CRADD: variants seen among roughly 807,000 people sequenced by gnomAD.
The protein encoded by CRADD is CARD and death domain containing adaptor protein.
In CRADD, 9 loss-of-function variants were observed where a neutral mutation model predicts 15.5. The ratio of observed to expected loss-of-function variants is 0.58; its 90% CI spans 0.35 to 1.01. The LOEUF (loss-of-function observed/expected upper bound fraction) is 1.01. Among genes scored for constraint, CRADD ranks in the 50% least tolerant of loss-of-function variants. CRADD has a pLI of 0.02. For synonymous variants in CRADD, 118 were observed against 107.6 expected, an observed-to-expected ratio of 1.10 and a Z score of -0.60; for missense variants, 227 against 250.3, an observed-to-expected ratio of 0.91 and a Z score of 0.63.
chr12:93,807,248 A>G (rs1174103165), intron 2 of CRADD, among the ~76,000 whole-genome samples: 2 of 152,158 alleles, frequency 1.3e-5, no homozygotes, highest in Non-Finnish European at 2.9e-5. Context: ...GTCCATTTGA[A>G]GACTGCTGGA....
intron 2 of CRADD, among the ~76,000 whole-genome samples, chr12:93,812,305 A>ATGTCAGCT (rs1957637148): frequency 1.3e-5 from 2 of 152,282 alleles, no homozygotes; most frequent in South Asian, 4.1e-4. Context: ...AGGAACCCTA[A>ATGTCAGCT]TGTCAGCTAT....
At chr12:93,851,806 G>GA (rs548018070), downstream of CRADD, among the ~76,000 whole-genome samples, 68 of 152,154 alleles carry the variant, frequency 4.5e-4, no homozygotes, top group East Asian at 0.01. Flanking sequence ...TCAAAAGGGA[G>GA]AAAAAAATCA....
downstream of CRADD, among the ~76,000 whole-genome samples, chr12:93,852,836 AGTGTGTGTGT>A (rs58175344): frequency 1.3e-4 from 19 of 149,590 alleles, no homozygotes; most frequent in South Asian, 2.1e-4. Context: ...GTTGGGTTGG[AGTGTGTGTGT>A]GTGTGTGTGT....
chr12:93,746,847 G>A (rs1956760946), intron 2 of CRADD, among the ~76,000 whole-genome samples: 1 of 151,292 alleles, frequency 6.6e-6, no homozygotes, highest in Non-Finnish European at 1.5e-5. Context: ...ATATAGCAGT[G>A]TGGTCTGGAG....
At chr12:93,691,140 T>C (rs1955557550) in intron 2 of CRADD, among the ~76,000 whole-genome samples, 1 of 152,212 alleles carries the variant, frequency 6.6e-6, no homozygotes, top group African/African-American at 2.4e-5. Flanking sequence ...AGGCCTTTCA[T>C]ATTTGTTTGA....
At chr12:93,817,284 A>G (rs977887999) in intron 2 of CRADD, among the ~76,000 whole-genome samples, 2 of 152,102 alleles carry the variant, frequency 1.3e-5, no homozygotes, top group African/African-American at 4.8e-5. Flanking sequence ...TGTGTTTTCA[A>G]TGCCCAAGAG....
At chr12:93,723,592 GTAA>G (rs1322993542) in intron 2 of CRADD, among the ~76,000 whole-genome samples, 1 of 152,202 alleles carries the variant, frequency 6.6e-6, no homozygotes, top group African/African-American at 2.4e-5. Flanking sequence ...GCATATTTGA[GTAA>G]TAATAAGCTC....
chr12:93,695,996 G>A (rs964575176), intron 2 of CRADD, among the ~76,000 whole-genome samples: 3 of 152,052 alleles, frequency 2.0e-5, no homozygotes, highest in African/African-American at 7.2e-5. Flanking sequence ...GATCAACATC[G>A]CAAATCACCA....
At chr12:93,858,641 C>G (rs955605959) in intron 2 of CRADD, among the ~76,000 whole-genome samples, 9 of 152,194 alleles carry the variant, frequency 5.9e-5, no homozygotes, top group African/African-American at 2.2e-4. Flanking sequence ...CTCATTCTCC[C>G]CGGAGATAAG....
At chr12:93,770,066 G>T (rs567711358) in intron 2 of CRADD, among the ~76,000 whole-genome samples, 1 of 151,360 alleles carries the variant, frequency 6.6e-6, no homozygotes, top group African/African-American at 2.4e-5. Context: ...CACTTATGCC[G>T]AAGGTCATGA....
chr12:93,885,314 A>G (rs535205064), intron 2 of CRADD, among the ~76,000 whole-genome samples: 1 of 152,342 alleles, frequency 6.6e-6, no homozygotes, highest in East Asian at 1.9e-4. Flanking sequence ...GCTATGCATT[A>G]AACCAAAGAT....
intron 2 of CRADD, among the ~76,000 whole-genome samples, chr12:93,812,117 G>A (rs1957634492): frequency 6.6e-6 from 1 of 152,160 alleles, no homozygotes; most frequent in Non-Finnish European, 1.5e-5. Context: ...CTTCGGGGAA[G>A]GGAGTAAGGG....
intron 2 of CRADD, among the ~76,000 whole-genome samples, chr12:93,884,835 G>C (rs139813333): frequency 4.3e-4 from 65 of 152,298 alleles, no homozygotes; most frequent in Middle Eastern, 6.8e-3. Flanking sequence ...TTAGTCACTT[G>C]TATGAGGAGG....
intron 2 of CRADD, among the ~76,000 whole-genome samples, chr12:93,879,578 G>A (rs528997465): frequency 6.6e-6 from 1 of 151,972 alleles, no homozygotes; most frequent in Admixed American, 6.6e-5. Flanking sequence ...ATGGGCAGGT[G>A]GGGGAGGCCA....
At chr12:93,837,956 ATTATTG>A (rs1957993935) in intron 2 of CRADD, 1 of 152,208 alleles carries the variant, frequency 6.6e-6, no homozygotes, top group East Asian at 1.9e-4. Flanking sequence ...TGCGAGCTCA[ATTATTG>A]CTAACAGTTT....
intron 2 of CRADD, among the ~76,000 whole-genome samples, chr12:93,701,337 G>A (rs1955841629): frequency 7.9e-6 from 1 of 127,104 alleles, no homozygotes; most frequent in Non-Finnish European, 1.6e-5. Flanking sequence ...CACACAATCT[G>A]TAAGTAGTCT....
chr12:93,772,450 C>CTATATA (rs1957094351), intron 2 of CRADD, among the ~76,000 whole-genome samples: 1 of 152,170 alleles, frequency 6.6e-6, no homozygotes, highest in Non-Finnish European at 1.5e-5. Context: ...TATGTCTATG[C>CTATATA]CATAGCCTTT....
rs141006122 is a variant in CRADD at position 93,893,316 on chromosome 12, G to A, written c.299-734G>A. ...CTATAAAGAAAAGGATGCTAATTTT[G>A]TGAATAAAATAGAGGGGCATTCCCT... is the stretch of plus-strand genomic sequence containing the variant. On this transcript the variant is annotated intron_variant, in intron 2 of 2. Transcript: ENST00000548483. 1.3e-3 allele frequency among the ~76,000 whole-genome samples: 205 copies of A among 152,100 alleles called. 1 individual carries two copies. Among genetic ancestry groups the A allele is most frequent in the African/African-American group, 4.5e-3 (187 of 41,492 alleles).
intron 2 of CRADD, among the ~76,000 whole-genome samples, chr12:93,689,214 C>T (rs1285022781): frequency 6.6e-6 from 1 of 152,206 alleles, no homozygotes. Flanking sequence ...CTATCTAAAG[C>T]CCTCAGTTCC....
Sources: allele counts gnomAD v4.1 joint callset (sites outside exome capture counted in the v4.1 genomes callset), GRCh38; gene constraint gnomAD v4.1.1; transcripts MANE v1.5; gene names NCBI Gene and HGNC (gene_info 2026-07-23, HGNC 2026-07-21).